ADAM17: variants seen among roughly 807,000 people sequenced by gnomAD.
ADAM17 encodes the protein disintegrin and metalloproteinase domain-containing protein 17.
A neutral mutation model predicts 96.7 loss-of-function variants in ADAM17; 39 were observed. That is an observed-to-expected ratio of 0.40 (90% CI 0.31 to 0.53). The LOEUF is 0.53. ADAM17 is among the 20% of genes least tolerant of loss of function. ADAM17 has a pLI of 0.44. For missense variants in ADAM17, 777 were observed against 1,013.2 expected, an observed-to-expected ratio of 0.77 and a Z score of 3.17; for synonymous variants, 344 against 359.2, an observed-to-expected ratio of 0.96 and a Z score of 0.48.
chr2:9,517,000 G>T (rs1267914129), intron 10 of ADAM17, among the ~76,000 whole-genome samples: 1 of 152,024 alleles, frequency 6.6e-6, no homozygotes. Context: ...TTTTAGAAGG[G>T]CCAGACTAGG....
At chr2:9,548,775 T>C (rs1665493323) in intron 1 of ADAM17, among the ~76,000 whole-genome samples, 1 of 152,224 alleles carries the variant, frequency 6.6e-6, no homozygotes, top group Non-Finnish European at 1.5e-5. Context: ...TTCTTAACAC[T>C]GACATCAGCG....
rs1662345821 is a variant in ADAM17, at chr2:9,493,777, A to G, written c.1963T>C (p.Phe655Leu). 2 of 1,613,978 alleles carry G rather than the reference A, an allele frequency of 1.2e-6. No homozygotes were observed. Among genetic ancestry groups the G allele is most frequent in the African/African-American group, 2.7e-5 (2 of 74,942 alleles). ...GTATTGATGCTCAGCTGGTCAATGA[A>G]ATCCCAAAATCGTTCAATTACATCC... Reference protein sequence around the residue: ...VQDVIERFWDFIDQLSINTFG... With the variant: ...VQDVIERFWDLIDQLSINTFG... Residue 655 changes from phenylalanine to leucine, a missense_variant, in exon 16 of 19, where the codon TTC (phenylalanine) becomes CTC (leucine). Transcript: ENST00000310823.
intron 1 of ADAM17, among the ~76,000 whole-genome samples, chr2:9,551,239 GAA>G (rs981949241): frequency 7.8e-6 from 1 of 127,956 alleles, no homozygotes. Context: ...TAACAACAAA[GAA>G]AAAAAAAAAA....
At chr2:9,521,351 C>A in intron 7 of ADAM17, 35 bp from the exon 8 acceptor site, 1 of 1,414,382 alleles carries the variant, frequency 7.1e-7, no homozygotes, top group South Asian at 1.2e-5. Context: ...TAGAACACTT[C>A]CAAAATAAGT....
intron 2 of ADAM17, among the ~76,000 whole-genome samples, chr2:9,538,674 CTAAAGA>C (rs1426550641): frequency 1.3e-5 from 2 of 152,184 alleles, no homozygotes; most frequent in African/African-American, 2.4e-5. Context: ...AGAATCTTTT[CTAAAGA>C]TAAAGACCAA....
At chr2:9,510,580 C>T (rs1163470142) in intron 10 of ADAM17, among the ~76,000 whole-genome samples, 1 of 151,980 alleles carries the variant, frequency 6.6e-6, no homozygotes. Flanking sequence ...AGGAGAACTG[C>T]TTGAACCCAG....
chr2:9,511,843 C>T (rs774663096), intron 10 of ADAM17, among the ~76,000 whole-genome samples: 9 of 151,804 alleles, frequency 5.9e-5, no homozygotes, highest in East Asian at 1.9e-4. Flanking sequence ...TTGTGGTGGG[C>T]GCCTGTAATC....
intron 4 of ADAM17, among the ~76,000 whole-genome samples, chr2:9,532,026 G>A (rs1198309808): frequency 1.3e-5 from 2 of 152,180 alleles, no homozygotes; most frequent in African/African-American, 4.8e-5. Flanking sequence ...AAGAGGGATT[G>A]TTTGAGCCCA....
chr2:9,515,715 C>T (rs57220562), intron 10 of ADAM17, among the ~76,000 whole-genome samples: 9,078 of 122,992 alleles, frequency 0.074, 1,014 homozygotes, highest in African/African-American at 0.25. Flanking sequence ...GCCTGGGTGA[C>T]AAGAGTGAAA....
intron 1 of ADAM17, among the ~76,000 whole-genome samples, chr2:9,554,642 A>G (rs73913133): frequency 0.071 from 10,801 of 152,246 alleles, 1,324 homozygotes; most frequent in African/African-American, 0.25. Flanking sequence ...TAATTAAAGT[A>G]TCTTACACGT....
chr2:9,527,306 A>C (rs1052300187), intron 5 of ADAM17, among the ~76,000 whole-genome samples: 1 of 151,968 alleles, frequency 6.6e-6, no homozygotes, highest in African/African-American at 2.4e-5. Flanking sequence ...ACAAAACAAA[A>C]CAAAAAACCT....
At chr2:9,522,569 CTA>C (rs992431784) in intron 7 of ADAM17, 3 of 459,702 alleles carry the variant, frequency 6.5e-6, no homozygotes, top group Non-Finnish European at 7.8e-6. Context: ...TTTTCAACCT[CTA>C]AATTCTATAC....
intron 1 of ADAM17, among the ~76,000 whole-genome samples, chr2:9,550,015 TAAAGCCAGTA>T (rs1665532770): frequency 6.6e-6 from 1 of 152,036 alleles, no homozygotes; most frequent in Non-Finnish European, 1.5e-5. Context: ...ATGGAAAACA[TAAAGCCAGTA>T]CTGCTGTGAA....
intron 10 of ADAM17, among the ~76,000 whole-genome samples, chr2:9,510,595 C>T (rs1182838875): frequency 1.3e-5 from 2 of 150,232 alleles, no homozygotes; most frequent in South Asian, 2.1e-4. Flanking sequence ...ACCCAGGGGG[C>T]GGAGGTTGCA....
Position 9,518,258 on chromosome 2 carries a change from C to CAAAA in ADAM17, c.958-12_958-11insTTTT. 3 of 683,926 alleles carry CAAAA rather than the reference C, an allele frequency of 4.4e-6. No homozygotes were observed. Among genetic ancestry groups the CAAAA allele is most frequent in the South Asian group, 1.3e-4 (2 of 15,000 alleles). 42.4% of individuals were successfully genotyped at this position (683,926 alleles called of 1,614,324 possible). On this transcript the variant is annotated splice_polypyrimidine_tract_variant and intron_variant, in intron 8 of 18. Coordinates refer to ENST00000310823, the MANE Select transcript of ADAM17 (RefSeq NM_003183.6). The stretch of plus-strand genomic sequence containing the variant: ...ATCAAAGCTAAATTGCTTTGAAAGA[C>CAAAA]CAAAAAAAAAAAAAAAAAAAAAAGC...
chr2:9,533,246 T>C (rs1435647590), intron 4 of ADAM17, among the ~76,000 whole-genome samples: 1 of 151,914 alleles, frequency 6.6e-6, no homozygotes, highest in Admixed American at 6.6e-5. Flanking sequence ...ACACATATTT[T>C]GGCTTAAGAA....
At chr2:9,501,981 T>C (rs2124990357) in intron 13 of ADAM17, among the ~76,000 whole-genome samples, 192 bp downstream of exon 13, 1 of 150,922 alleles carries the variant, frequency 6.6e-6, no homozygotes, top group East Asian at 1.9e-4. Flanking sequence ...GTGATGGAAA[T>C]GAAAGAGAAA....
intron 2 of ADAM17, among the ~76,000 whole-genome samples, chr2:9,542,390 T>C (rs545838051): frequency 5.3e-5 from 8 of 152,024 alleles, no homozygotes; most frequent in Non-Finnish European, 8.8e-5. Flanking sequence ...TAAATAAATA[T>C]GAAGCAGGTT....
At chr2:9,522,557 T>A (rs1664356736) in intron 7 of ADAM17, 2 of 471,802 alleles carry the variant, frequency 4.2e-6, no homozygotes, top group Non-Finnish European at 3.8e-6. Flanking sequence ...TTTTTAAAAA[T>A]TTTTTCAACC....
Sources: allele counts gnomAD v4.1 joint callset (sites outside exome capture counted in the v4.1 genomes callset), GRCh38; gene constraint gnomAD v4.1.1; transcripts MANE v1.5; gene names NCBI Gene and HGNC (gene_info 2026-07-23, HGNC 2026-07-21).